The following AXDND1 variants were observed in gnomAD, a reference collection of about 807,000 sequenced individuals.
The protein encoded by AXDND1 is axonemal dynein light chain domain containing 1, also known as axonemal dynein light chain domain-containing protein 1.
In AXDND1, 110 loss-of-function variants were observed where a neutral mutation model predicts 137.5. The observed-to-expected ratio is 0.80, with a 90% CI of 0.69 to 0.94. The LOEUF is 0.94. Among genes scored for constraint, AXDND1 ranks in the 40% least tolerant of loss-of-function variants. The probability of loss-of-function intolerance (pLI) is 0.00; values close to 1 mark genes in which losing one functional copy is unlikely to be tolerated. For missense variants in AXDND1, 1,191 were observed against 1,169.8 expected (o/e 1.02, Z -0.26); for synonymous variants, 414 against 399.7 (o/e 1.04, Z -0.43).
intron 17 of AXDND1, among the ~76,000 whole-genome samples, chr1:179,471,144 G>T (rs1663879345): frequency 6.6e-6 from 1 of 152,106 alleles, no homozygotes; most frequent in African/African-American, 2.4e-5. Flanking sequence ...GATTCTGTTT[G>T]CTAGTCTTTG....
intron 11 of AXDND1, among the ~76,000 whole-genome samples, chr1:179,410,412 G>C (rs1653694124): frequency 6.6e-6 from 1 of 152,168 alleles, no homozygotes; most frequent in Non-Finnish European, 1.5e-5. Context: ...TGTATTTGTA[G>C]AGACGAGGTT....
chr1:179,549,883 A>G (rs1673034876), intron 25 of AXDND1, among the ~76,000 whole-genome samples: 1 of 152,106 alleles, frequency 6.6e-6, no homozygotes, highest in Non-Finnish European at 1.5e-5. Flanking sequence ...CATGAAAGCA[A>G]GCTCCACATC....
intron 25 of AXDND1, among the ~76,000 whole-genome samples, chr1:179,539,823 C>T (rs1000879331): frequency 2.6e-5 from 4 of 152,134 alleles, no homozygotes; most frequent in East Asian, 1.9e-4. Context: ...CTTTCGGGTA[C>T]GCCAATCAAA....
rs1471655924 is a variant in AXDND1 at position 179,500,335 on chromosome 1, T to TTG, written c.2388+7385_2388+7386insGT. On this transcript the variant is annotated intron_variant, in intron 20 of 25. Transcript: ENST00000367618. The stretch of plus-strand genomic sequence containing the variant: ...ATATAGCCATTAATTGCAGGGTACA[T>TTG]TATGTGTGTGTGTGTGTGTGTGTGT... Among the ~76,000 whole-genome samples, 4 of 107,020 alleles carry TTG rather than the reference T, an allele frequency of 3.7e-5. No homozygotes were observed. In the East Asian group the frequency reaches 9.8e-4, roughly 26 times the overall value. The allele number at this position is 107,020 out of a possible 152,430, so 70.2% of individuals were successfully genotyped here.
intron 16 of AXDND1, among the ~76,000 whole-genome samples, chr1:179,460,035 T>C (rs537138746): frequency 1.5e-4 from 22 of 151,436 alleles, no homozygotes; most frequent in Admixed American, 2.6e-4. Flanking sequence ...TTTCATTTCT[T>C]TTATTTTCTT....
chr1:179,459,602 G>A (rs1661923719), intron 16 of AXDND1, among the ~76,000 whole-genome samples: 2 of 151,794 alleles, frequency 1.3e-5, no homozygotes, highest in South Asian at 4.2e-4. Flanking sequence ...CTTTTTCCTT[G>A]AAGAAATGTC....
At chr1:179,419,246 T>C (rs1655261896) in intron 12 of AXDND1, among the ~76,000 whole-genome samples, 1 of 151,930 alleles carries the variant, frequency 6.6e-6, no homozygotes, top group Non-Finnish European at 1.5e-5. Context: ...ATCTCGGCTC[T>C]TTGGGAGGCC....
chr1:179,431,227 C>T (rs1178846760), intron 14 of AXDND1, among the ~76,000 whole-genome samples: 2 of 152,088 alleles, frequency 1.3e-5, no homozygotes, highest in Non-Finnish European at 2.9e-5. Flanking sequence ...CTGCTGCCTC[C>T]ATCTCCTGGG....
intron 25 of AXDND1, among the ~76,000 whole-genome samples, chr1:179,541,377 C>A (rs554706464): frequency 2.6e-4 from 40 of 152,274 alleles, no homozygotes; most frequent in African/African-American, 8.9e-4. Flanking sequence ...GCAGGTACCT[C>A]AGTTGGAAAT....
chr1:179,439,841 CCA>C, intron 15 of AXDND1, among the ~76,000 whole-genome samples: 1 of 150,850 alleles, frequency 6.6e-6, no homozygotes, highest in South Asian at 2.1e-4. Flanking sequence ...CTCCAGTCTC[CCA>C]TTCCATGGCC....
At chr1:179,537,487 G>T (rs1671666699) in intron 25 of AXDND1, among the ~76,000 whole-genome samples, 1 of 152,158 alleles carries the variant, frequency 6.6e-6, no homozygotes, top group Non-Finnish European at 1.5e-5. Flanking sequence ...TTATTTGATG[G>T]ATTACGTTTA....
chr1:179,403,605 G>A (rs752880051), intron 11 of AXDND1, among the ~76,000 whole-genome samples: 4 of 152,106 alleles, frequency 2.6e-5, no homozygotes, highest in Non-Finnish European at 5.9e-5. Context: ...ACAGAGTCTC[G>A]CTCTGTCGCC....
At position 179,411,057 on chromosome 1, in the gene AXDND1, A is replaced by T. The variant is rs530187377; in HGVS notation, c.1110-89A>T. The stretch of plus-strand genomic sequence containing the variant: ...TGAGTTTTAAAGGAACACATTACCT[A>T]TTTTAAAACAAATTTCTTTTTTAAA... On this transcript the variant is annotated intron_variant, in intron 11 of 25. Transcript: ENST00000367618. 494 of 1,077,508 alleles carry T rather than the reference A, an allele frequency of 4.6e-4. 2 individuals carry two copies. The African/African-American group carries it at 7.5e-3, about 16-fold the overall frequency. The allele number at this position is 1,077,508 out of a possible 1,614,324, so 66.7% of individuals were successfully genotyped here.
In AXDND1 at chr1:179,456,106, C is replaced by T. The variant is rs1332332384; in HGVS notation, c.1798+10902C>T. On this transcript the variant is annotated intron_variant, in intron 16 of 25. Coordinates refer to ENST00000367618, the MANE Select transcript of AXDND1 (RefSeq NM_144696.6). Reference sequence around the variant, plus strand: ...TCAGTATTTGTCTAAAATATGTCTTCTTTGTAGCACCTAGGCCCTGCTACC... The same window carrying T: ...TCAGTATTTGTCTAAAATATGTCTTTTTTGTAGCACCTAGGCCCTGCTACC... 10 of 514,286 alleles carry T rather than the reference C, an allele frequency of 1.9e-5. No individual in the cohort carries two copies. The Admixed American group carries it at 2.3e-4, about 12-fold the overall frequency. 31.9% of individuals were successfully genotyped at this position (514,286 alleles called of 1,614,324 possible).
chr1:179,447,822 G>T, intron 16 of AXDND1: 2 of 1,282,938 alleles, frequency 1.6e-6, no homozygotes, highest in African/African-American at 1.4e-5. Context: ...GCACTGTGAA[G>T]TCTGTAGTGC....
chr1:179,426,152 T>A (rs1656542556), intron 12 of AXDND1, among the ~76,000 whole-genome samples: 1 of 152,124 alleles, frequency 6.6e-6, no homozygotes, highest in Non-Finnish European at 1.5e-5. Context: ...TTTCTAAGTA[T>A]GACGGGAAAT....
Position 179,455,868 on chromosome 1 carries a change from G to GTTTGTTTTGT in AXDND1, c.1798+10678_1798+10687dup, listed in dbSNP as rs367654611. On this transcript the variant is annotated intron_variant, in intron 16 of 25. Coordinates refer to ENST00000367618, the MANE Select transcript of AXDND1 (RefSeq NM_144696.6). Reference sequence around the variant, plus strand: ...TTTTTATTATTTAGTTTAAGACATAGTTTGTTTTGTTTTGTTTTGTTTTTA... The same window carrying GTTTGTTTTGT: ...TTTTTATTATTTAGTTTAAGACATAGTTTGTTTTGTTTTGTTTTGTTTTGTTTTGTTTTTA... The GTTTGTTTTGT allele has an allele frequency of 4.5e-3, 866 of 191,846 alleles. 5 individuals carry two copies. Among genetic ancestry groups the GTTTGTTTTGT allele is most frequent in the African/African-American group, 0.02 (822 of 41,684 alleles). The allele number at this position is 191,846 out of a possible 1,614,324, so 11.9% of individuals were successfully genotyped here.
chr1:179,449,095 AG>A (rs1660148675), intron 16 of AXDND1: 1 of 450,272 alleles, frequency 2.2e-6, no homozygotes, highest in Non-Finnish European at 4.5e-6. Context: ...CGTGTTGCAC[AG>A]GCTGGTCTCA....
intron 20 of AXDND1, chr1:179,506,847 G>A: frequency 7.1e-6 from 7 of 985,418 alleles, no homozygotes; most frequent in Non-Finnish European, 8.4e-6. Flanking sequence ...AGCACTGCCG[G>A]TTCCAGGATT....
Sources: allele counts gnomAD v4.1 joint callset (sites outside exome capture counted in the v4.1 genomes callset), GRCh38; gene constraint gnomAD v4.1.1; transcripts MANE v1.5; gene names NCBI Gene and HGNC (gene_info 2026-07-23, HGNC 2026-07-21).